Variants in SEC14L1 observed in about 807,000 individuals in gnomAD.
The protein encoded by SEC14L1 is SEC14 like lipid binding 1, also known as SEC14-like protein 1.
Under a neutral mutation model 85.3 loss-of-function variants are expected in SEC14L1, and 48 were observed. The observed-to-expected ratio is 0.56, with a 90% CI of 0.45 to 0.72. SEC14L1 has a LOEUF of 0.72. SEC14L1 is among the 30% of genes least tolerant of loss of function. The pLI, the probability that SEC14L1 is intolerant of heterozygous loss-of-function variation, is 0.00. For missense variants in SEC14L1, 682 were observed against 921.4 expected (o/e 0.74, Z 3.36); for synonymous variants, 391 against 355.5 (o/e 1.10, Z -1.12).
intron 3 of SEC14L1, among the ~76,000 whole-genome samples, chr17:77,179,218 C>T (rs1053862573): frequency 2.0e-5 from 3 of 152,030 alleles, no homozygotes; most frequent in Non-Finnish European, 4.4e-5. Context: ...GCTCCTTGAT[C>T]AAAAGTAAAC....
intron 3 of SEC14L1, among the ~76,000 whole-genome samples, chr17:77,164,756 A>G (rs1974213146): frequency 1.3e-5 from 2 of 152,316 alleles, no homozygotes; most frequent in Admixed American, 6.5e-5. Context: ...GGAAGTTGCT[A>G]GGAAAGCTGA....
At chr17:77,204,379 A>C (rs1278484671) in intron 10 of SEC14L1, among the ~76,000 whole-genome samples, 1 of 151,544 alleles carries the variant, frequency 6.6e-6, no homozygotes, top group African/African-American at 2.4e-5. Context: ...CACCATGCCC[A>C]GCTAATTTTT....
At chr17:77,149,947 T>G (rs773062326) in intron 3 of SEC14L1, among the ~76,000 whole-genome samples, 2 of 151,960 alleles carry the variant, frequency 1.3e-5, no homozygotes, top group African/African-American at 4.8e-5. Flanking sequence ...CTTTTCCAGG[T>G]TGAATAACCA....
At chr17:77,110,359 A>C (rs559125089) in intron 3 of SEC14L1, among the ~76,000 whole-genome samples, 5 of 152,306 alleles carry the variant, frequency 3.3e-5, no homozygotes, top group African/African-American at 1.2e-4. Context: ...GCCATCAGTT[A>C]TGGAAGTGGC....
rs1020250168 is a variant in SEC14L1, at chr17:77,184,442, AT to A, written c.64-6351del. Among the ~76,000 whole-genome samples the A allele has an allele frequency of 1.6e-4, 24 of 150,234 alleles. No individual in the cohort carries two copies. In the East Asian group the frequency reaches 2.5e-3, roughly 16 times the overall value. On this transcript the variant is annotated intron_variant, in intron 3 of 16. Coordinates refer to ENST00000436233, the MANE Select transcript of SEC14L1 (RefSeq NM_001143998.2). ...TTGGCAATCCTTCTGTGTTGATTAGATTTTTTTTTTCCTGAAAAATTTTCTC... is the reference window on the plus strand; with the variant it reads ...TTGGCAATCCTTCTGTGTTGATTAGATTTTTTTTTCCTGAAAAATTTTCTC...
chr17:77,146,516 C>T (rs1335787532), intron 3 of SEC14L1, among the ~76,000 whole-genome samples: 1 of 152,194 alleles, frequency 6.6e-6, no homozygotes, highest in Non-Finnish European at 1.5e-5. Flanking sequence ...AAATTCTGAG[C>T]TGCCACCAAG....
chr17:77,182,671 G>A (rs1425114549), intron 3 of SEC14L1, among the ~76,000 whole-genome samples: 2 of 152,278 alleles, frequency 1.3e-5, no homozygotes, highest in East Asian at 1.9e-4. Flanking sequence ...AATGTTGGGC[G>A]TGATTAGGAA....
chr17:77,133,956 AGCTCTG>A (rs1972699776), intron 3 of SEC14L1, among the ~76,000 whole-genome samples: 1 of 150,114 alleles, frequency 6.7e-6, no homozygotes, highest in Non-Finnish European at 1.5e-5. Flanking sequence ...AAAAAAAAAA[AGCTCTG>A]GAAGCGAGGG....
At chr17:77,201,326 G>A (rs771023051) in intron 9 of SEC14L1, among the ~76,000 whole-genome samples, 3 of 152,200 alleles carry the variant, frequency 2.0e-5, no homozygotes, top group Non-Finnish European at 4.4e-5. Context: ...GGGAAGCACC[G>A]TAGAACTGGT....
intron 9 of SEC14L1, among the ~76,000 whole-genome samples, chr17:77,201,148 G>A (rs895326858): frequency 1.3e-5 from 2 of 152,192 alleles, no homozygotes; most frequent in Admixed American, 6.5e-5. Context: ...ATGAAGGGGG[G>A]CGATGCACCT....
chr17:77,201,452 CTTT>C (rs540189374), intron 9 of SEC14L1, among the ~76,000 whole-genome samples: 6 of 138,392 alleles, frequency 4.3e-5, no homozygotes, highest in Non-Finnish European at 3.1e-5. Context: ...ACAAATGTGT[CTTT>C]TTTTTTTTTT....
chr17:77,213,268 G>A lies in SEC14L1; in HGVS notation c.1864-46G>A. The A allele has an allele frequency of 6.5e-7, 1 of 1,541,484 alleles. No individual in the cohort carries two copies. On this transcript the variant is annotated intron_variant, in intron 15 of 16. Coordinates refer to ENST00000436233, the MANE Select transcript of SEC14L1 (RefSeq NM_001143998.2). The surrounding 1 kb of genome is among the most constrained non-coding windows in gnomAD (Gnocchi z 7.1). ...TTGTCAGGCCTGTGGTAGGCCAGGG[G>A]TCGGAAGCGAGTCGCCCTCAGCTGC...
chr17:77,162,596 G>A (rs1360394805), intron 3 of SEC14L1, among the ~76,000 whole-genome samples: 2 of 152,106 alleles, frequency 1.3e-5, no homozygotes, highest in Non-Finnish European at 2.9e-5. Context: ...ACTTTGGGAG[G>A]CCGAGGCAGG....
At chr17:77,173,371 G>C (rs1974606536) in intron 3 of SEC14L1, among the ~76,000 whole-genome samples, 1 of 151,860 alleles carries the variant, frequency 6.6e-6, no homozygotes, top group Non-Finnish European at 1.5e-5. Context: ...GTGAGTCGGG[G>C]GAAGGGTCCA....
At chr17:77,163,391 T>TTTTTCACAGCACCATCCCTCCCTCA (rs6146155) in intron 3 of SEC14L1, among the ~76,000 whole-genome samples, 1 of 152,030 alleles carries the variant, frequency 6.6e-6, no homozygotes, top group Non-Finnish European at 1.5e-5. Context: ...CTAAGACTGG[T>TTTTTCACAGCACCATCCCTCCCTCA]TCAGTCAGAG....
intron 3 of SEC14L1, among the ~76,000 whole-genome samples, chr17:77,114,852 A>G (rs1390940780): frequency 6.6e-6 from 1 of 151,540 alleles, no homozygotes; most frequent in Non-Finnish European, 1.5e-5. Flanking sequence ...AAAAAAAAAA[A>G]AAAAAAGGAG....
At chr17:77,103,425 TTTG>T (rs1310919030) in intron 3 of SEC14L1, among the ~76,000 whole-genome samples, 15 of 150,964 alleles carry the variant, frequency 9.9e-5, no homozygotes, top group East Asian at 5.9e-4. Context: ...ATTTTTCTTT[TTTG>T]TTGTTGTTTT....
intron 3 of SEC14L1, among the ~76,000 whole-genome samples, chr17:77,147,705 ACTT>A (rs1471147630): frequency 2.0e-5 from 3 of 152,192 alleles, no homozygotes; most frequent in Non-Finnish European, 2.9e-5. Context: ...AGAAATCAAA[ACTT>A]CTTGGCCACA....
intron 3 of SEC14L1, chr17:77,145,099 ATGTGTG>A (rs60478156): frequency 0.34 from 38,733 of 113,950 alleles, 5,192 homozygotes; most frequent in Middle Eastern, 0.36. Flanking sequence ...GTGTGTATGT[ATGTGTG>A]TGTGTGTGTG....
Sources: allele counts gnomAD v4.1 joint callset (sites outside exome capture counted in the v4.1 genomes callset), GRCh38; gene constraint gnomAD v4.1.1; non-coding constraint Gnocchi (gnomAD v3.1); transcripts MANE v1.5; gene names NCBI Gene and HGNC (gene_info 2026-07-23, HGNC 2026-07-21).